Variants in HTR1E observed in about 807,000 individuals in gnomAD.
The protein encoded by HTR1E is 5-HT-1E.
Under a neutral mutation model 3.4 loss-of-function variants are expected in HTR1E, and 3 were observed. The ratio of observed to expected loss-of-function variants is 0.89; its 90% CI spans 0.41 to 2.31. HTR1E has a LOEUF of 2.31. Ranked by LOEUF, HTR1E falls within the 30% of genes most tolerant of loss-of-function variation. The pLI is 0.05. For synonymous variants in HTR1E, 170 were observed against 182.8 expected (o/e 0.93, Z 0.56); for missense variants, 392 against 467.0 (o/e 0.84, Z 1.48).
At chr6:87,007,346 G>A (rs113134419) in intron 1 of HTR1E, among the ~76,000 whole-genome samples, 2,725 of 152,218 alleles carry the variant, frequency 0.018, 84 homozygotes, top group African/African-American at 0.06. Context: ...GCAGGGGGTG[G>A]AGAGAATGGG....
Position 87,016,161 on chromosome 6 carries a change from G to A in HTR1E, c.827G>A (p.Gly276Glu). ...PPFDNDLDHP[G>E]ERQQISSTRE... ...TTCGACAATGATCTAGATCACCCAG[G>A]AGAACGTCAGCAGATCTCTAGCACC... is the stretch of plus-strand genomic sequence containing the variant. The change falls in exon 2 of 2, where the codon GGA (glycine) becomes GAA (glutamate). Residue 276 changes from glycine (G) to glutamate (E), a missense_variant. By Grantham distance (98) the Gly-to-Glu change is moderately conservative (BLOSUM62 -2). This residue lies in a region of HTR1E where 178 missense variants were observed against 164.9 expected (regional missense o/e 1.08). Coordinates refer to ENST00000305344, the MANE Select transcript of HTR1E (RefSeq NM_000865.3). 1 of 1,614,114 alleles carries A rather than the reference G, an allele frequency of 6.2e-7. No homozygotes were observed. Among genetic ancestry groups the A allele is most frequent in the Non-Finnish European group, 8.5e-7 (1 of 1,180,018 alleles).
At position 87,003,495 on chromosome 6, in the gene HTR1E, C is replaced by A. The variant is rs189366180; in HGVS notation, c.-185-11655C>A. Among the ~76,000 whole-genome samples, 264 of 150,892 alleles carry A rather than the reference C, an allele frequency of 1.7e-3. 2 individuals are homozygous for A. The highest frequency in any genetic ancestry group is 1.8e-3 in the Non-Finnish European group (120 of 67,816). ...CAGAGGTTGCAGTGAGCTGAGACTGCGCCATTGCACTCCAGCCTGGGCAAC... is the reference window on the plus strand; with the variant it reads ...CAGAGGTTGCAGTGAGCTGAGACTGAGCCATTGCACTCCAGCCTGGGCAAC... On this transcript the variant is annotated intron_variant, in intron 1 of 1. Transcript: ENST00000305344.
At chr6:86,999,852 C>T (rs1004512624) in intron 1 of HTR1E, among the ~76,000 whole-genome samples, 2 of 152,204 alleles carry the variant, frequency 1.3e-5, no homozygotes, top group Admixed American at 1.3e-4. Flanking sequence ...CATGACCCTG[C>T]ATGATACTGG....
intron 1 of HTR1E, among the ~76,000 whole-genome samples, chr6:86,992,806 G>C (rs958843443): frequency 6.6e-6 from 1 of 152,152 alleles, no homozygotes. Context: ...CAAAGATTAA[G>C]TAACTTACCC....
At chr6:86,950,093 G>C (rs1404771362) in intron 1 of HTR1E, among the ~76,000 whole-genome samples, 1 of 152,096 alleles carries the variant, frequency 6.6e-6, no homozygotes, top group Non-Finnish European at 1.5e-5. Flanking sequence ...AATGCAGAGT[G>C]AATAAAACAT....
At chr6:86,987,966 T>C (rs1356357860) in intron 1 of HTR1E, among the ~76,000 whole-genome samples, 7 of 152,182 alleles carry the variant, frequency 4.6e-5, no homozygotes, top group Admixed American at 4.6e-4. Context: ...GGAGAGGACA[T>C]AGTTAAACCA....
intron 1 of HTR1E, among the ~76,000 whole-genome samples, chr6:86,976,130 C>T (rs1330716077): frequency 6.6e-6 from 1 of 151,416 alleles, no homozygotes; most frequent in Non-Finnish European, 1.5e-5. Context: ...AAAGGAAATA[C>T]AAGGAAGAGG....
At chr6:86,972,583 CTATT>C (rs1163792243) in intron 1 of HTR1E, among the ~76,000 whole-genome samples, 3 of 152,214 alleles carry the variant, frequency 2.0e-5, no homozygotes, top group East Asian at 1.9e-4. Context: ...CATTGCAGCA[CTATT>C]TATTACAGGT....
chr6:87,016,308 T>G lies in HTR1E; in HGVS notation c.974T>G (p.Val325Gly). The change falls in exon 2 of 2, where the codon GTG becomes GGG. Residue 325 changes from valine (V) to glycine (G), a missense_variant. By Grantham distance (109) the Val-to-Gly change is moderately radical. Coordinates refer to ENST00000305344, the MANE Select transcript of HTR1E (RefSeq NM_000865.3). ...AGCATCTACACCGTGTCCTCGGAAG[T>G]GGCCGACTTTCTGACGTGGCTCGGT... ...GLSIYTVSSE[V>G]ADFLTWLGYV... 1 of 1,614,218 alleles carries G rather than the reference T, an allele frequency of 6.2e-7. No homozygotes were observed. Among genetic ancestry groups the G allele is most frequent in the African/African-American group, 1.3e-5 (1 of 75,062 alleles).
At position 86,945,770 on chromosome 6, in the gene HTR1E, T is replaced by G. The variant is rs763021151; in HGVS notation, c.-186+7947T>G. On this transcript the variant is annotated intron_variant, in intron 1 of 1. Coordinates refer to ENST00000305344, the MANE Select transcript of HTR1E (RefSeq NM_000865.3). ...TTTTTTTGAGATGACGTTTCTTTCT[T>G]GCCTCCCAGACTGGAGTGCAGTGGC... 3.3e-5 allele frequency among the ~76,000 whole-genome samples: 5 copies of G among 152,210 alleles called. No individual in the cohort carries two copies. The East Asian group carries it at 9.7e-4, about 29-fold the overall frequency.
chr6:86,995,688 G>GAAAAAAAAAAAAAAAAAAAAAAA (rs58476122), intron 1 of HTR1E, among the ~76,000 whole-genome samples: 3 of 55,206 alleles, frequency 5.4e-5, no homozygotes, highest in African/African-American at 1.0e-4. Context: ...AAAAAAAAAA[G>GAAAAAAAAAAAAAAAAAAAAAAA]AAAAAAAAAA....
chr6:86,985,660 A>G (rs1490677383), intron 1 of HTR1E, among the ~76,000 whole-genome samples: 1 of 152,156 alleles, frequency 6.6e-6, no homozygotes, highest in Non-Finnish European at 1.5e-5. Flanking sequence ...TGAAAGATAA[A>G]TTAACTGGGT....
chr6:87,016,102 T>G lies in HTR1E; in HGVS notation c.768T>G (p.Phe256Leu), dbSNP rs1768320557. 1 of 1,614,182 alleles carries G rather than the reference T, an allele frequency of 6.2e-7. No individual in the cohort carries two copies. The highest frequency in any genetic ancestry group is 8.5e-7 in the Non-Finnish European group (1 of 1,180,036). ...CCACCTCAGACCCTACCACAGAGTT[T>G]GAAAAGTTCCATGCCTCCATCAGGA... The part of the protein sequence containing the change: ...DFSTSDPTTE[F>L]EKFHASIRIP... Residue 256 changes from phenylalanine to leucine, a missense_variant, in exon 2 of 2, where the codon TTT (phenylalanine) becomes TTG (leucine). Transcript: ENST00000305344.
intron 1 of HTR1E, among the ~76,000 whole-genome samples, chr6:86,950,168 T>G (rs901637863): frequency 6.6e-6 from 1 of 152,256 alleles, no homozygotes; most frequent in African/African-American, 2.4e-5. Context: ...TCAGGTTATT[T>G]CCCTTGAATT....
chr6:86,964,622 A>T (rs961899929), intron 1 of HTR1E, among the ~76,000 whole-genome samples: 1 of 152,234 alleles, frequency 6.6e-6, no homozygotes, highest in Admixed American at 6.5e-5. Flanking sequence ...GTAAAGTTGT[A>T]AACTTTGTCT....
intron 1 of HTR1E, among the ~76,000 whole-genome samples, chr6:86,945,689 G>A (rs1768606335): frequency 6.6e-6 from 1 of 151,932 alleles, no homozygotes; most frequent in Non-Finnish European, 1.5e-5. Flanking sequence ...AGTCAAAAAG[G>A]TTTTTTTAAT....
intron 1 of HTR1E, among the ~76,000 whole-genome samples, chr6:86,951,437 G>A (rs1767239060): frequency 6.6e-6 from 1 of 152,120 alleles, no homozygotes; most frequent in African/African-American, 2.4e-5. Flanking sequence ...CTAGACTTCT[G>A]AAAGACTTTA....
At chr6:86,969,018 C>G (rs1767512774) in intron 1 of HTR1E, among the ~76,000 whole-genome samples, 2 of 152,122 alleles carry the variant, frequency 1.3e-5, no homozygotes, top group Non-Finnish European at 2.9e-5. Flanking sequence ...GGTCCCAACT[C>G]TATTCATGAA....
chr6:86,939,330 T>C (rs1582251532), intron 1 of HTR1E, among the ~76,000 whole-genome samples: 1 of 152,216 alleles, frequency 6.6e-6, no homozygotes, highest in Admixed American at 6.5e-5. Flanking sequence ...ATTTCTAAAA[T>C]TGCATAGCAC....
Sources: gnomAD v4.1 joint callset for allele counts (sites outside exome capture counted in the v4.1 genomes callset) on GRCh38, gnomAD v4.1.1 for gene constraint, gnomAD v4.1.1 regional missense constraint, MANE v1.5 for transcripts, NCBI Gene and HGNC (gene_info 2026-07-23, HGNC 2026-07-21) for gene names.